BCL2: variants seen among roughly 807,000 people sequenced by gnomAD.
BCL2 encodes the protein apoptosis regulator Bcl-2.
A neutral mutation model predicts 14.2 loss-of-function variants in BCL2; 1 was observed. That is an observed-to-expected ratio of 0.07 (90% CI 0.02 to 0.33). BCL2 has a LOEUF of 0.33. Ranked by LOEUF, BCL2 falls within the 10% of genes least tolerant of loss-of-function variation. The probability of loss-of-function intolerance (pLI) is 0.99; values close to 1 mark genes in which losing one functional copy is unlikely to be tolerated. For missense variants in BCL2, 247 were observed against 305.9 expected (o/e 0.81, Z 1.44); for synonymous variants, 151 against 137.2 (o/e 1.10, Z -0.70).
At chr18:63,243,220 A>G (rs1247023783) in intron 2 of BCL2, among the ~76,000 whole-genome samples, 1 of 152,240 alleles carries the variant, frequency 6.6e-6, no homozygotes, top group Non-Finnish European at 1.5e-5. Context: ...AGGAACATGG[A>G]TGGAGCTGGA....
chr18:63,317,647 G>A, intron 2 of BCL2: 1 of 1,022,498 alleles, frequency 9.8e-7, no homozygotes, highest in Non-Finnish European at 1.2e-6. Context: ...TTGTTTCAGG[G>A]GAGCTTGTTT....
intron 2 of BCL2, chr18:63,207,577 T>C (rs1909873859): frequency 6.6e-6 from 1 of 151,780 alleles, no homozygotes. Flanking sequence ...CACCAGAGTC[T>C]GATTGTTCCA....
chr18:63,259,705 T>C (rs1442898172), intron 2 of BCL2, among the ~76,000 whole-genome samples: 1 of 152,226 alleles, frequency 6.6e-6, no homozygotes, highest in Non-Finnish European at 1.5e-5. Context: ...CCATTCCATA[T>C]TGCAGGGGGC....
chr18:63,275,275 T>C (rs970786874), intron 2 of BCL2, among the ~76,000 whole-genome samples: 3 of 151,888 alleles, frequency 2.0e-5, no homozygotes, highest in Non-Finnish European at 4.4e-5. Flanking sequence ...TCAAGGTTTA[T>C]GTAACTTGAA....
At chr18:63,273,344 C>T (rs962298030) in intron 2 of BCL2, among the ~76,000 whole-genome samples, 10 of 152,212 alleles carry the variant, frequency 6.6e-5, no homozygotes, top group Admixed American at 1.3e-4. Flanking sequence ...GATTGAATCT[C>T]AGCGTAGAGA....
chr18:63,211,935 A>G (rs1910019642), intron 2 of BCL2, among the ~76,000 whole-genome samples: 1 of 152,260 alleles, frequency 6.6e-6, no homozygotes, highest in South Asian at 2.1e-4. Flanking sequence ...CCAGAAATGC[A>G]GTCATGTGAC....
At chr18:63,292,087 A>T (rs1162941393) in intron 2 of BCL2, among the ~76,000 whole-genome samples, 2 of 152,162 alleles carry the variant, frequency 1.3e-5, no homozygotes, top group African/African-American at 4.8e-5. Context: ...ATGACTTAAT[A>T]GATCAACTGG....
rs756328207 is a variant in BCL2, at chr18:63,127,684, G to A, written c.*941C>T. The A allele has an allele frequency of 3.1e-5, 7 of 228,654 alleles. No homozygotes were observed. The highest frequency in any genetic ancestry group is 4.4e-5 in the African/African-American group (2 of 45,082). The allele number at this position is 228,654 out of a possible 1,614,324, so 14.2% of individuals were successfully genotyped here. A position where few individuals can be genotyped will look rare whatever the true frequency, so the allele number is the denominator to read the frequency against. ...TCTCCTAAAAGCAGGCACTTGTGGC[G>A]GCCTGATGCTCTGGGTAACTCTAGC... On this transcript the variant is annotated 3_prime_UTR_variant, in exon 3 of 3. Transcript: ENST00000333681.
chr18:63,201,063 G>A (rs1268672851), intron 2 of BCL2, among the ~76,000 whole-genome samples: 1 of 152,194 alleles, frequency 6.6e-6, no homozygotes, highest in Non-Finnish European at 1.5e-5. Flanking sequence ...GCATTACGGA[G>A]CAGAAGTCAA....
chr18:63,247,670 A>G (rs1181611458), intron 2 of BCL2, among the ~76,000 whole-genome samples: 1 of 152,092 alleles, frequency 6.6e-6, no homozygotes, highest in African/African-American at 2.4e-5. Context: ...AGCGTCCTGA[A>G]TGGTGTCATC....
At chr18:63,226,245 G>A (rs777691954) in intron 2 of BCL2, among the ~76,000 whole-genome samples, 2 of 152,190 alleles carry the variant, frequency 1.3e-5, no homozygotes, top group African/African-American at 2.4e-5. Flanking sequence ...AGTGGAGCCA[G>A]GGATTTTTTA....
chr18:63,151,687 G>C (rs1481527331), intron 2 of BCL2, among the ~76,000 whole-genome samples: 2 of 152,176 alleles, frequency 1.3e-5, no homozygotes, highest in African/African-American at 4.8e-5. Flanking sequence ...ATTTCTCATA[G>C]TTCTCAGTCA....
chr18:63,313,589 T>C (rs1374172180), intron 2 of BCL2, among the ~76,000 whole-genome samples: 1 of 152,206 alleles, frequency 6.6e-6, no homozygotes, highest in Non-Finnish European at 1.5e-5. Flanking sequence ...GACAGTGTTG[T>C]TTTCTAGCAC....
Position 63,317,812 on chromosome 18 carries a change from C to T in BCL2, c.585+270G>A, listed in dbSNP as rs1197896963. ...GAAACACTGAAGGGGTACCATTTACCACCACATCCTACTGGATTACAAACG... is the reference window on the plus strand; with the variant it reads ...GAAACACTGAAGGGGTACCATTTACTACCACATCCTACTGGATTACAAACG... On this transcript the variant is annotated intron_variant, in intron 2 of 2. Transcript: ENST00000333681. The T allele has an allele frequency of 4.5e-6, 6 of 1,344,992 alleles. No homozygotes were observed. The African/African-American group carries it at 5.9e-5, about 13-fold the overall frequency. The allele number at this position is 1,344,992 out of a possible 1,614,324, so 83.3% of individuals were successfully genotyped here.
intron 2 of BCL2, among the ~76,000 whole-genome samples, chr18:63,227,390 G>A (rs1217690666): frequency 6.6e-6 from 1 of 152,136 alleles, no homozygotes; most frequent in African/African-American, 2.4e-5. Context: ...TGTATTTTTG[G>A]TAGAGACGTG....
intron 2 of BCL2, among the ~76,000 whole-genome samples, chr18:63,201,037 G>A (rs1909675300): frequency 6.6e-6 from 1 of 152,150 alleles, no homozygotes; most frequent in South Asian, 2.1e-4. Flanking sequence ...TGCACCAAAT[G>A]GGCAATGTGC....
rs543755716 is a variant in BCL2 at position 63,150,532 on chromosome 18, G to A, written c.586-21773C>T. Among the ~76,000 whole-genome samples, 856 of 148,478 alleles carry A rather than the reference G, an allele frequency of 5.8e-3. 8 individuals are homozygous for A. Among genetic ancestry groups the A allele is most frequent in the Non-Finnish European group, 9.1e-3 (609 of 67,026 alleles). On this transcript the variant is annotated intron_variant, in intron 2 of 2. Coordinates refer to ENST00000333681, the MANE Select transcript of BCL2 (RefSeq NM_000633.3). ...GGTTGCCATTCCCCACTTTCTCTCC[G>A]CATTTTCTTGGCTCCCTCCAGTTTT...
At chr18:63,216,789 A>C (rs1372533948) in intron 2 of BCL2, among the ~76,000 whole-genome samples, 1 of 152,354 alleles carries the variant, frequency 6.6e-6, no homozygotes, top group Non-Finnish European at 1.5e-5. Flanking sequence ...ACACCAAAAA[A>C]AGATTCCAAT....
chr18:63,167,925 C>CAA (rs11348997), intron 2 of BCL2, among the ~76,000 whole-genome samples: 1 of 122,500 alleles, frequency 8.2e-6, no homozygotes, highest in Non-Finnish European at 1.9e-5. Flanking sequence ...GACTCCGTCT[C>CAA]AAAAAAAAAA....
Sources: allele counts gnomAD v4.1 joint callset (sites outside exome capture counted in the v4.1 genomes callset), GRCh38; gene constraint gnomAD v4.1.1; transcripts MANE v1.5; gene names NCBI Gene and HGNC (gene_info 2026-07-23, HGNC 2026-07-21).